UGT2B28: variants seen among roughly 807,000 people sequenced by gnomAD.
UGT2B28 encodes the protein UDP glucuronosyltransferase family 2 member B28.
A neutral mutation model predicts 43.6 loss-of-function variants in UGT2B28; 45 were observed. The ratio of observed to expected loss-of-function variants is 1.03; its 90% CI spans 0.81 to 1.32. The LOEUF (loss-of-function observed/expected upper bound fraction) is 1.32, where lower values mean the gene tolerates loss of function less well. Among genes scored for constraint, UGT2B28 ranks in the 40% most tolerant of loss-of-function variants. The pLI, the probability that UGT2B28 is intolerant of heterozygous loss-of-function variation, is 0.00. For synonymous variants in UGT2B28, 204 were observed against 208.1 expected, an observed-to-expected ratio of 0.98 and a Z score of 0.17; for missense variants, 649 against 625.5, an observed-to-expected ratio of 1.04 and a Z score of -0.40.
chr4:69,294,308 A>C (rs1351672251), intron 5 of UGT2B28, among the ~76,000 whole-genome samples: 1 of 140,138 alleles, frequency 7.1e-6, no homozygotes, highest in Non-Finnish European at 1.5e-5. Context: ...TAATTTTCTC[A>C]CCTGACCTTC....
rs1723574936 is a variant in UGT2B28, at chr4:69,280,759, G to A, written c.259G>A (p.Glu87Lys). 6.4e-7 allele frequency: 1 copy of A among 1,565,072 alleles called. No homozygotes were observed. Among genetic ancestry groups the A allele is most frequent in the Non-Finnish European group, 8.6e-7 (1 of 1,157,858 alleles). Residue 87 changes from glutamate to lysine, a missense_variant, in exon 1 of 6, where the codon GAG (glutamate) becomes AAG (lysine). Glu to Lys is a moderately conservative substitution (Grantham distance 56). Coordinates refer to ENST00000335568, the MANE Select transcript of UGT2B28 (RefSeq NM_053039.2). ...YPTSLTKTEF[E>K]NIIMQQVKRW... is the part of the protein sequence containing the mutation. ...TACATCTTTAACTAAAACTGAATTTGAGAATATCATCATGCAACAGGTTAA... is the reference window on the plus strand; with the variant it reads ...TACATCTTTAACTAAAACTGAATTTAAGAATATCATCATGCAACAGGTTAA...
chr4:69,285,764 C>G (rs1723756101), intron 2 of UGT2B28, among the ~76,000 whole-genome samples: 1 of 140,682 alleles, frequency 7.1e-6, no homozygotes, highest in Non-Finnish European at 1.5e-5. Flanking sequence ...CAGAATAATT[C>G]TCAATCAATT....
rs1337857891 is a variant in UGT2B28, at chr4:69,286,739, T to A, written c.871-13T>A. 3 of 1,548,612 alleles carry A rather than the reference T, an allele frequency of 1.9e-6. No homozygotes were observed. The highest frequency in any genetic ancestry group is 2.6e-6 in the Non-Finnish European group (3 of 1,151,222). ...GTGATACTCTTTTGTGATTAAACAA[T>A]TTTTTTTCACAGGAAATGGAGGAAT... On this transcript the variant is annotated splice_polypyrimidine_tract_variant and intron_variant, in intron 2 of 5. Coordinates refer to ENST00000335568, the MANE Select transcript of UGT2B28 (RefSeq NM_053039.2).
In UGT2B28 at chr4:69,290,616, T is replaced by A. The variant is rs200753218; in HGVS notation, c.1115T>A (p.Ile372Lys). The A allele has an allele frequency of 1.9e-4, 295 of 1,558,632 alleles. 61 individuals are homozygous for A. Among genetic ancestry groups the A allele is most frequent in the Non-Finnish European group, 8.7e-6 (10 of 1,154,670 alleles). Residue 372 changes from isoleucine (I) to lysine (K), a missense_variant, in exon 5 of 6, where the codon ATA (isoleucine) becomes AAA (lysine). By Grantham distance (102) the Ile-to-Lys change is moderately radical. Coordinates refer to ENST00000335568, the MANE Select transcript of UGT2B28 (RefSeq NM_053039.2). ...GGTCTTCCAAAAACCAGAGCTTTTA[T>A]AACTCATGGTGGAGCCAATGGCATC... ...LLGLPKTRAF[I>K]THGGANGIYE...
Position 69,285,287 on chromosome 4 carries a change from T to A in UGT2B28, c.871-1465T>A, listed in dbSNP as rs1407792901. Among the ~76,000 whole-genome samples the A allele has an allele frequency of 2.0e-4, 28 of 140,728 alleles. 9 individuals carry two copies. The highest frequency in any genetic ancestry group is 7.7e-4 in the African/African-American group (28 of 36,142). The allele number at this position is 140,728 out of a possible 152,430, so 92.3% of individuals were successfully genotyped here. ...TCTCTAGGTAGAAATTTTAGAAAAA[T>A]TATTTTTTAAAACGCTTTTCATACT... On this transcript the variant is annotated intron_variant, in intron 2 of 5. Coordinates refer to ENST00000335568, the MANE Select transcript of UGT2B28 (RefSeq NM_053039.2).
intron 3 of UGT2B28, among the ~76,000 whole-genome samples, chr4:69,289,422 T>C (rs1199455329): frequency 2.8e-5 from 4 of 140,818 alleles, no homozygotes; most frequent in Non-Finnish European, 6.1e-5. Context: ...TTTTTGAATA[T>C]TTGAACTTTT....
In UGT2B28 at chr4:69,294,534, A is replaced by G; in HGVS notation, c.1315A>G (p.Lys439Glu). Residue 439 changes from lysine (K) to glutamate (E), a missense_variant, in exon 6 of 6, where the codon AAA (lysine) becomes GAA (glutamate). By Grantham distance (56) the Lys-to-Glu change is moderately conservative. Transcript: ENST00000335568. ...LKTVINDPSY[K>E]ENVMKLSIIQ... is the part of the protein sequence containing the mutation. ...ATCTTTATTTTTATCCTTCAGATATAAAGAGAATGTTATGAAATTATCAAT... is the reference window on the plus strand; with the variant it reads ...ATCTTTATTTTTATCCTTCAGATATGAAGAGAATGTTATGAAATTATCAAT... 2 of 1,540,654 alleles carry G rather than the reference A, an allele frequency of 1.3e-6. 1 individual carries two copies. Among genetic ancestry groups the G allele is most frequent in the Non-Finnish European group, 1.7e-6 (2 of 1,146,604 alleles).
Position 69,286,857 on chromosome 4 carries a change from A to G in UGT2B28, c.976A>G (p.Thr326Ala). The change falls in exon 3 of 6, where the codon ACA (threonine) becomes GCA (alanine). Residue 326 changes from threonine to alanine, a missense_variant. Coordinates refer to ENST00000335568, the MANE Select transcript of UGT2B28 (RefSeq NM_053039.2). ...MTAERANVIA[T>A]ALAKIPQKVL... ...AGCAGAAAGGGCCAACGTAATTGCA[A>G]CAGCCCTTGCCAAGATCCCACAAAA... 1 of 1,556,592 alleles carries G rather than the reference A, an allele frequency of 6.4e-7. No homozygotes were observed. Among genetic ancestry groups the G allele is most frequent in the Non-Finnish European group, 8.7e-7 (1 of 1,154,166 alleles).
At position 69,286,604 on chromosome 4, in the gene UGT2B28, C is replaced by G; in HGVS notation, c.871-148C>G. On this transcript the variant is annotated intron_variant, in intron 2 of 5. Transcript: ENST00000335568. ...ACCTCAAACATCTTCTTGTAAAGAA[C>G]CTGAGTGATTGAGTCAGTTAAAAAA... The G allele has an allele frequency of 1.7e-6, 2 of 1,192,230 alleles. 1 individual carries two copies. The highest frequency in any genetic ancestry group is 2.2e-6 in the Non-Finnish European group (2 of 896,602). 73.9% of individuals were successfully genotyped at this position (1,192,230 alleles called of 1,614,324 possible). A position where few individuals can be genotyped will look rare whatever the true frequency, so the allele number is the denominator to read the frequency against.
chr4:69,293,480 GAT>G (rs1376976197), intron 5 of UGT2B28, among the ~76,000 whole-genome samples: 1 of 140,050 alleles, frequency 7.1e-6, no homozygotes, highest in African/African-American at 2.8e-5. Flanking sequence ...CTAGGAATCA[GAT>G]AGAAAATAAG....
Position 69,294,777 on chromosome 4 carries a change from G to C in UGT2B28, c.1558G>C (p.Ala520Pro). The change falls in exon 6 of 6, where the codon GCT becomes CCT. Residue 520 changes from alanine (A) to proline (P), a missense_variant. Coordinates refer to ENST00000335568, the MANE Select transcript of UGT2B28 (RefSeq NM_053039.2). ...KFCLFCFWKF[A>P]RKGKKGKRD ...TTGTCTGTTTTGTTTCTGGAAGTTTGCTAGAAAAGGGAAGAAGGGAAAAAG... is the reference window on the plus strand; with the variant it reads ...TTGTCTGTTTTGTTTCTGGAAGTTTCCTAGAAAAGGGAAGAAGGGAAAAAG... 6.4e-7 allele frequency: 1 copy of C among 1,558,080 alleles called. No individual in the cohort carries two copies.
chr4:69,281,056 G>A lies in UGT2B28; in HGVS notation c.556G>A (p.Gly186Arg). The change falls in exon 1 of 6, where the codon GGA becomes AGA. Residue 186 changes from glycine (G) to arginine (R), a missense_variant. Physicochemically the swap from Gly to Arg is moderately radical, Grantham distance 125. Transcript: ENST00000335568. ...CTACACAATTGAAAGGCACAGTGGAGGACTGATTTTCCCTCCTTCCTACAT... is the reference window on the plus strand; with the variant it reads ...CTACACAATTGAAAGGCACAGTGGAAGACTGATTTTCCCTCCTTCCTACAT... ...PGYTIERHSG[G>R]LIFPPSYIPV... The A allele has an allele frequency of 6.4e-7, 1 of 1,559,268 alleles. No individual in the cohort carries two copies. Among genetic ancestry groups the A allele is most frequent in the Non-Finnish European group, 8.7e-7 (1 of 1,155,252 alleles).
Position 69,294,533 on chromosome 4 carries a change from T to C in UGT2B28, c.1314T>C (p.Tyr438=). 1 of 1,539,830 alleles carries C rather than the reference T, an allele frequency of 6.5e-7. No homozygotes were observed. Among genetic ancestry groups the C allele is most frequent in the South Asian group, 1.2e-5 (1 of 80,750 alleles). Residue 438 remains tyrosine, a synonymous_variant, in exon 6 of 6, where the codon TAT becomes TAC. Coordinates refer to ENST00000335568, the MANE Select transcript of UGT2B28 (RefSeq NM_053039.2). ...ALKTVINDPS[Y]KENVMKLSII... The stretch of plus-strand genomic sequence containing the variant: ...TATCTTTATTTTTATCCTTCAGATA[T>C]AAAGAGAATGTTATGAAATTATCAA...
chr4:69,285,512 T>A (rs1484087175), intron 2 of UGT2B28, among the ~76,000 whole-genome samples: 1 of 138,292 alleles, frequency 7.2e-6, no homozygotes, highest in Non-Finnish European at 1.5e-5. Flanking sequence ...TACAGGTAAC[T>A]GCAATCACAC....
In UGT2B28 at chr4:69,281,740, A is replaced by G. The variant is rs1195482877; in HGVS notation, c.721+519A>G. ...CACATCTCAGATGCAAAAGTTAATC[A>G]GGGTAATTTGAAGTTTCTAATGTTT... On this transcript the variant is annotated intron_variant, in intron 1 of 5. Coordinates refer to ENST00000335568, the MANE Select transcript of UGT2B28 (RefSeq NM_053039.2). 7.1e-5 allele frequency among the ~76,000 whole-genome samples: 10 copies of G among 140,478 alleles called. No homozygotes were observed. The Admixed American group carries it at 7.1e-4, about 10-fold the overall frequency. 92.2% of individuals were successfully genotyped at this position (140,478 alleles called of 152,430 possible).
chr4:69,294,465 A>G, intron 5 of UGT2B28, 65 bp from the exon 6 acceptor site: 3 of 1,365,912 alleles, frequency 2.2e-6, no homozygotes, highest in Non-Finnish European at 2.9e-6. Context: ...AGCCTTTCAT[A>G]GACTTGATAC....
intron 4 of UGT2B28, among the ~76,000 whole-genome samples, 184 bp from the exon 5 acceptor site, chr4:69,290,408 T>C (rs4235125): frequency 0.46 from 64,571 of 139,280 alleles, 20,670 homozygotes; most frequent in Non-Finnish European, 0.53. Flanking sequence ...CCTGAAGTTA[T>C]GCACACCACG....
chr4:69,285,731 G>C lies in UGT2B28; in HGVS notation c.871-1021G>C, dbSNP rs183599339. On this transcript the variant is annotated intron_variant, in intron 2 of 5. Coordinates refer to ENST00000335568, the MANE Select transcript of UGT2B28 (RefSeq NM_053039.2). ...CTGAAAATACTTAAATTTAAATATCGGTATACATTGGGGAACTCAAGTCAG... is the reference window on the plus strand; with the variant it reads ...CTGAAAATACTTAAATTTAAATATCCGTATACATTGGGGAACTCAAGTCAG... 3.6e-5 allele frequency among the ~76,000 whole-genome samples: 5 copies of C among 140,288 alleles called. 1 individual carries two copies. The highest frequency in any genetic ancestry group is 5.6e-5 in the African/African-American group (2 of 35,802). 92.0% of individuals were successfully genotyped at this position (140,288 alleles called of 152,430 possible). A position where few individuals can be genotyped will look rare whatever the true frequency, so the allele number is the denominator to read the frequency against.
Position 69,293,880 on chromosome 4 carries a change from A to G in UGT2B28, c.1311-650A>G, listed in dbSNP as rs567243708. On this transcript the variant is annotated intron_variant, in intron 5 of 5. Coordinates refer to ENST00000335568, the MANE Select transcript of UGT2B28 (RefSeq NM_053039.2). Reference sequence around the variant, plus strand: ...CATAATCTGACTTTAATTTCAAAAAATCATTCTGGCTACAGGGTGGGAAAC... The same window carrying G: ...CATAATCTGACTTTAATTTCAAAAAGTCATTCTGGCTACAGGGTGGGAAAC... 9.9e-5 allele frequency among the ~76,000 whole-genome samples: 14 copies of G among 140,866 alleles called. 4 individuals are homozygous for G. Among genetic ancestry groups the G allele is most frequent in the African/African-American group, 3.6e-4 (13 of 36,120 alleles). The allele number at this position is 140,866 out of a possible 152,430, so 92.4% of individuals were successfully genotyped here.
Sources: allele counts gnomAD v4.1 joint callset (sites outside exome capture counted in the v4.1 genomes callset), GRCh38; gene constraint gnomAD v4.1.1; transcripts MANE v1.5; gene names NCBI Gene and HGNC (gene_info 2026-07-23, HGNC 2026-07-21).